GPC5: variants seen among roughly 807,000 people sequenced by gnomAD.
GPC5 encodes the protein glypican-5.
In GPC5, 47 loss-of-function variants were observed where a neutral mutation model predicts 53.9. The ratio of observed to expected loss-of-function variants is 0.87; its 90% CI spans 0.69 to 1.11. GPC5 has a LOEUF of 1.11. GPC5 is among the 50% of genes most tolerant of loss of function. The probability of loss-of-function intolerance (pLI) is 0.00; values close to 1 mark genes in which losing one functional copy is unlikely to be tolerated. For synonymous variants in GPC5, 286 were observed against 263.3 expected (o/e 1.09, Z -0.84); for missense variants, 748 against 713.1 (o/e 1.05, Z -0.56).
At chr13:92,571,749 G>T (rs986381709) in intron 7 of GPC5, among the ~76,000 whole-genome samples, 14 of 152,014 alleles carry the variant, frequency 9.2e-5, no homozygotes, top group African/African-American at 3.4e-4. Flanking sequence ...TTATTTCAAG[G>T]ATTACTTTTA....
intron 6 of GPC5, among the ~76,000 whole-genome samples, chr13:91,984,878 C>T (rs560679591): frequency 1.3e-5 from 2 of 152,218 alleles, no homozygotes; most frequent in South Asian, 4.1e-4. Flanking sequence ...TTGAGATTTG[C>T]TTTATGGTGT....
chr13:91,494,204 T>C (rs903814606), intron 2 of GPC5, among the ~76,000 whole-genome samples: 1 of 151,932 alleles, frequency 6.6e-6, no homozygotes, highest in African/African-American at 2.4e-5. Flanking sequence ...TTCTTTTCTG[T>C]TGTTATGAAT....
chr13:91,820,857 G>C (rs1486530218), intron 5 of GPC5, among the ~76,000 whole-genome samples: 3 of 152,072 alleles, frequency 2.0e-5, no homozygotes, highest in Non-Finnish European at 2.9e-5. Flanking sequence ...CAGCTACTCG[G>C]GAGGCTGAGG....
At chr13:92,363,703 A>T (rs2139284874) in intron 7 of GPC5, among the ~76,000 whole-genome samples, 1 of 151,910 alleles carries the variant, frequency 6.6e-6, no homozygotes, top group African/African-American at 2.4e-5. Context: ...ACTTAAGTGC[A>T]AGCCTTGAAA....
At chr13:92,514,751 A>T (rs560085457) in intron 7 of GPC5, among the ~76,000 whole-genome samples, 17 of 152,298 alleles carry the variant, frequency 1.1e-4, no homozygotes, top group African/African-American at 3.1e-4. Flanking sequence ...GACTACTTTG[A>T]ATAAAACTAG....
intron 7 of GPC5, among the ~76,000 whole-genome samples, chr13:92,268,886 CT>C (rs1342429147): frequency 1.3e-5 from 2 of 151,898 alleles, no homozygotes; most frequent in Admixed American, 1.3e-4. Flanking sequence ...TGTTTTCAAA[CT>C]TTTTTTAGTA....
intron 1 of GPC5, among the ~76,000 whole-genome samples, chr13:91,402,460 A>C (rs942375467): frequency 1.3e-5 from 2 of 152,210 alleles, no homozygotes; most frequent in African/African-American, 4.8e-5. Flanking sequence ...TCTCACACCT[A>C]AGAAAAATGA....
chr13:91,619,488 T>A (rs2033794207), intron 2 of GPC5, among the ~76,000 whole-genome samples: 1 of 152,144 alleles, frequency 6.6e-6, no homozygotes, highest in Non-Finnish European at 1.5e-5. Context: ...CTGACACAAG[T>A]AAGAGGCTTT....
intron 2 of GPC5, among the ~76,000 whole-genome samples, chr13:91,623,609 C>T (rs1208402016): frequency 2.6e-5 from 4 of 152,082 alleles, no homozygotes; most frequent in African/African-American, 2.4e-5. Context: ...GCATAACAGG[C>T]AGTCTCTAAA....
chr13:91,653,327 C>T (rs1161793173), intron 2 of GPC5, among the ~76,000 whole-genome samples: 1 of 152,016 alleles, frequency 6.6e-6, no homozygotes, highest in East Asian at 1.9e-4. Context: ...CATCAACAAA[C>T]AATTGAACTC....
At chr13:92,142,725 G>A (rs894513086) in intron 6 of GPC5, among the ~76,000 whole-genome samples, 3 of 152,106 alleles carry the variant, frequency 2.0e-5, no homozygotes, top group Non-Finnish European at 2.9e-5. Flanking sequence ...TGTTGGTGGT[G>A]TTAATGAGAG....
intron 1 of GPC5, among the ~76,000 whole-genome samples, chr13:91,427,533 T>C (rs1397697083): frequency 6.6e-6 from 1 of 152,240 alleles, no homozygotes; most frequent in Non-Finnish European, 1.5e-5. Flanking sequence ...ATTTACCCAA[T>C]GCCTGTAATC....
chr13:91,804,632 C>A (rs898093592), intron 5 of GPC5, among the ~76,000 whole-genome samples: 6 of 152,116 alleles, frequency 3.9e-5, no homozygotes, highest in African/African-American at 7.2e-5. Context: ...TTTATTTGCT[C>A]ATTTCCTGAT....
intron 7 of GPC5, among the ~76,000 whole-genome samples, chr13:92,579,264 TCCCTCCCTCC>T (rs1566302631): frequency 3.9e-4 from 3 of 7,744 alleles, no homozygotes; most frequent in African/African-American, 1.6e-3. Context: ...CCTCCCTCCC[TCCCTCCCTCC>T]CTCTCTCTCT....
chr13:91,432,567 C>A (rs1166541327), intron 1 of GPC5, among the ~76,000 whole-genome samples: 6 of 152,004 alleles, frequency 3.9e-5, no homozygotes, highest in East Asian at 1.9e-4. Flanking sequence ...ATTATGTTGA[C>A]CTTATTTGTC....
At chr13:91,482,131 T>C (rs931765923) in intron 2 of GPC5, among the ~76,000 whole-genome samples, 6 of 152,218 alleles carry the variant, frequency 3.9e-5, no homozygotes, top group African/African-American at 1.4e-4. Context: ...TGAAACTTTA[T>C]TCTCAATAAA....
intron 1 of GPC5, among the ~76,000 whole-genome samples, chr13:91,423,642 G>T (rs1878802633): frequency 6.6e-6 from 1 of 152,154 alleles, no homozygotes; most frequent in Non-Finnish European, 1.5e-5. Flanking sequence ...CAGTTAGGAG[G>T]AATAAGTTCT....
intron 2 of GPC5, among the ~76,000 whole-genome samples, chr13:91,608,236 G>A (rs765563757): frequency 3.3e-5 from 5 of 152,046 alleles, no homozygotes; most frequent in African/African-American, 9.7e-5. Context: ...TAACCACTTG[G>A]TACTGTGGAT....
At chr13:92,606,161 A>G (rs1460962539) in intron 7 of GPC5, among the ~76,000 whole-genome samples, 2 of 152,066 alleles carry the variant, frequency 1.3e-5, no homozygotes, top group Non-Finnish European at 2.9e-5. Context: ...ATATGTATAC[A>G]TGTGCCATGT....
Sources: allele counts gnomAD v4.1 joint callset (sites outside exome capture counted in the v4.1 genomes callset), GRCh38; gene constraint gnomAD v4.1.1; transcripts MANE v1.5; gene names NCBI Gene and HGNC (gene_info 2026-07-23, HGNC 2026-07-21).